Variants in ROBO2 observed in about 807,000 individuals in gnomAD.
ROBO2 encodes the protein roundabout homolog 2.
ROBO2 carries 53 observed loss-of-function variants against 160.8 expected under a neutral mutation model. That is an observed-to-expected ratio of 0.33 (90% CI 0.26 to 0.41). The LOEUF is 0.41. Ranked by LOEUF, ROBO2 falls within the 10% of genes least tolerant of loss-of-function variation. The pLI is 1.00. For missense variants in ROBO2, 1,577 were observed against 1,722.4 expected (o/e 0.92, Z 1.49); for synonymous variants, 664 against 611.7 (o/e 1.09, Z -1.26).
chr3:75,941,009 C>T (rs2107069022), intron 2 of ROBO2, among the ~76,000 whole-genome samples: 1 of 152,270 alleles, frequency 6.6e-6, no homozygotes, highest in South Asian at 2.1e-4. Context: ...CATCACAGCG[C>T]CAAACTCCTA....
chr3:76,799,682 C>A (rs2064052683), intron 2 of ROBO2, among the ~76,000 whole-genome samples: 1 of 151,872 alleles, frequency 6.6e-6, no homozygotes, highest in Non-Finnish European at 1.5e-5. Flanking sequence ...AAGATCTCTA[C>A]AATGAAAAGT....
intron 2 of ROBO2, among the ~76,000 whole-genome samples, chr3:77,474,930 A>C (rs1560939937): frequency 1.3e-5 from 2 of 152,200 alleles, no homozygotes; most frequent in South Asian, 4.1e-4. Context: ...TACAGACCCC[A>C]GAAACATATA....
intron 2 of ROBO2, among the ~76,000 whole-genome samples, chr3:77,376,652 A>G (rs375387858): frequency 2.0e-5 from 3 of 152,086 alleles, no homozygotes; most frequent in Non-Finnish European, 2.9e-5. Flanking sequence ...ATATGCTTAG[A>G]AAGTCCAGCA....
chr3:76,084,059 T>C (rs780994109), intron 2 of ROBO2, among the ~76,000 whole-genome samples: 1 of 152,150 alleles, frequency 6.6e-6, no homozygotes, highest in Admixed American at 6.6e-5. Context: ...ACCAATGATA[T>C]GTAGGAATTA....
intron 23 of ROBO2, among the ~76,000 whole-genome samples, chr3:77,626,315 C>G (rs1360506815): frequency 6.6e-6 from 1 of 152,062 alleles, no homozygotes; most frequent in Non-Finnish European, 1.5e-5. Flanking sequence ...ACATTCAGTT[C>G]TATGTTTATT....
At chr3:77,210,594 T>C (rs188845811) in intron 2 of ROBO2, among the ~76,000 whole-genome samples, 1 of 151,820 alleles carries the variant, frequency 6.6e-6, no homozygotes, top group Non-Finnish European at 1.5e-5. Flanking sequence ...TCACAAATAA[T>C]TTTTTTATTA....
chr3:77,543,626 G>A (rs1164086344), intron 6 of ROBO2, among the ~76,000 whole-genome samples: 1 of 152,126 alleles, frequency 6.6e-6, no homozygotes, highest in Non-Finnish European at 1.5e-5. Flanking sequence ...ATAGAGATTT[G>A]TAATTTTACT....
At chr3:77,404,094 C>T (rs1165536923) in intron 2 of ROBO2, among the ~76,000 whole-genome samples, 1 of 152,002 alleles carries the variant, frequency 6.6e-6, no homozygotes, top group East Asian at 1.9e-4. Flanking sequence ...ACTGAGGCTG[C>T]AAAAATGTTA....
At chr3:76,456,933 A>T (rs746763998) in intron 2 of ROBO2, among the ~76,000 whole-genome samples, 2 of 152,210 alleles carry the variant, frequency 1.3e-5, no homozygotes, top group Non-Finnish European at 2.9e-5. Context: ...TCACAAAAAT[A>T]GCAGGGGGAA....
chr3:76,826,647 C>T (rs905185977), intron 2 of ROBO2, among the ~76,000 whole-genome samples: 8 of 152,140 alleles, frequency 5.3e-5, no homozygotes, highest in African/African-American at 1.7e-4. Flanking sequence ...AATCTTAAGG[C>T]TAACGATATA....
chr3:76,933,158 C>T (rs190990035), intron 2 of ROBO2, among the ~76,000 whole-genome samples: 3 of 152,118 alleles, frequency 2.0e-5, no homozygotes, highest in Non-Finnish European at 4.4e-5. Context: ...TGTTATAATC[C>T]TTTCCCAAGT....
intron 2 of ROBO2, among the ~76,000 whole-genome samples, chr3:75,983,564 T>A (rs1375206261): frequency 1.3e-5 from 2 of 151,378 alleles, no homozygotes; most frequent in Non-Finnish European, 3.0e-5. Context: ...TGACGTTGTG[T>A]TCTAAAAAAC....
intron 2 of ROBO2, among the ~76,000 whole-genome samples, chr3:76,907,823 G>GGTGTGTGT (rs71104638): frequency 0.015 from 2,189 of 145,484 alleles, 22 homozygotes; most frequent in East Asian, 0.049. Flanking sequence ...GTTTGTTTGG[G>GGTGTGTGT]GTGTGTGTGT....
intron 2 of ROBO2, among the ~76,000 whole-genome samples, chr3:76,801,379 T>G (rs2064184757): frequency 6.6e-6 from 1 of 152,142 alleles, no homozygotes; most frequent in East Asian, 1.9e-4. Context: ...CAGTCAGTAA[T>G]AATTTGTTGT....
chr3:76,843,135 A>G (rs573219801), intron 2 of ROBO2, among the ~76,000 whole-genome samples: 74 of 151,704 alleles, frequency 4.9e-4, no homozygotes, highest in African/African-American at 1.8e-3. Flanking sequence ...TTTAAATGCC[A>G]TCAATCACAG....
At chr3:77,377,939 G>A (rs2072913702) in intron 2 of ROBO2, among the ~76,000 whole-genome samples, 1 of 152,158 alleles carries the variant, frequency 6.6e-6, no homozygotes, top group South Asian at 2.1e-4. Flanking sequence ...TGCCAGAGGT[G>A]AGGGATAATT....
At chr3:76,010,387 T>C (rs1043080695) in intron 2 of ROBO2, among the ~76,000 whole-genome samples, 1 of 152,246 alleles carries the variant, frequency 6.6e-6, no homozygotes, top group African/African-American at 2.4e-5. Context: ...GGTCCACTTA[T>C]GAAGGAGGCT....
chr3:76,967,140 G>A (rs2059337752), intron 2 of ROBO2, among the ~76,000 whole-genome samples: 1 of 152,022 alleles, frequency 6.6e-6, no homozygotes, highest in African/African-American at 2.4e-5. Flanking sequence ...GAAAGGTAAG[G>A]TAGCACATCC....
intron 2 of ROBO2, among the ~76,000 whole-genome samples, chr3:76,476,674 C>T (rs912749098): frequency 1.3e-5 from 2 of 152,204 alleles, no homozygotes; most frequent in African/African-American, 4.8e-5. Context: ...AATCTACAAG[C>T]CCAGGATTTA....
Sources: allele counts gnomAD v4.1 joint callset (sites outside exome capture counted in the v4.1 genomes callset), GRCh38; gene constraint gnomAD v4.1.1; transcripts MANE v1.5; gene names NCBI Gene and HGNC (gene_info 2026-07-23, HGNC 2026-07-21).